The following OR2M2 variants were observed in gnomAD, a reference collection of about 807,000 sequenced individuals.
The protein encoded by OR2M2 is olfactory receptor family 2 subfamily M member 2, also known as olfactory receptor 2M2.
For missense variants in OR2M2, 467 were observed against 429.9 expected (o/e 1.09, Z -0.76); for synonymous variants, 168 against 151.7 (o/e 1.11, Z -0.79).
intron 1 of OR2M2, among the ~76,000 whole-genome samples, chr1:248,179,082 A>T (rs186490573): frequency 3.3e-5 from 5 of 152,112 alleles, no homozygotes; most frequent in East Asian, 1.9e-4. Flanking sequence ...AAGAGGACGA[A>T]TCTGTCCCAT....
chr1:248,175,778 T>G (rs1281270120), intron 1 of OR2M2, among the ~76,000 whole-genome samples: 2 of 152,190 alleles, frequency 1.3e-5, no homozygotes, highest in Non-Finnish European at 2.9e-5. Context: ...TCTCTGATCA[T>G]GTGACCTTTC....
Position 248,180,381 on chromosome 1 carries a change from TAC to T in OR2M2, c.397_398del (p.Thr133GlnfsTer6). 1 of 1,614,134 alleles carries T rather than the reference TAC, an allele frequency of 6.2e-7. No homozygotes were observed. On this transcript the variant is annotated frameshift_variant, in exon 2 of 2. Coordinates refer to ENST00000641836, the MANE Select transcript of OR2M2 (RefSeq NM_001004688.2). LOFTEE classifies it low-confidence loss of function (END_TRUNC). ...TTGCTATTTGCCACCCTCTAAGATATACCAATCTCATGAATCCTAAAATTTGT... is the reference window on the plus strand; with the variant it reads ...TTGCTATTTGCCACCCTCTAAGATATCAATCTCATGAATCCTAAAATTTGT... ...YIAICHPLRYTNLMNPKICGL... is the reference protein window; with the variant it reads ...YIAICHPLRYXNLMNPKICGL...
In OR2M2 at chr1:248,180,553, A is replaced by G. The variant is rs747869628; in HGVS notation, c.568A>G (p.Asn190Asp). The G allele has an allele frequency of 4.5e-5, 72 of 1,613,748 alleles. No homozygotes were observed. The highest frequency in any genetic ancestry group is 5.8e-5 in the Non-Finnish European group (68 of 1,179,840). The change falls in exon 2 of 2, where the codon AAT (asparagine) becomes GAT (aspartate). Residue 190 changes from asparagine to aspartate, a missense_variant. Asn to Asp is a conservative substitution (Grantham distance 23). Transcript: ENST00000641836. ...CCCTTCCCTACTAATCCTCTCATGC[A>G]ATGACACATCAATATTTGAAGAGGT... Reference protein sequence around the residue: ...EFPSLLILSCNDTSIFEEVIF... With the variant: ...EFPSLLILSCDDTSIFEEVIF...
chr1:248,179,499 A>G (rs1331867200), intron 1 of OR2M2, among the ~76,000 whole-genome samples: 1 of 147,260 alleles, frequency 6.8e-6, no homozygotes. Context: ...TAAAGTAATA[A>G]GCAAACATAC....
chr1:248,180,992 A>G lies in OR2M2; in HGVS notation c.1007A>G (p.Asp336Gly). ...FFFLISIFFY[D>G]VKILALIMYI... ...TTTCTAATATCCATCTTTTTCTATGATGTCAAAATACTAGCATTGATTATG... is the reference window on the plus strand; with the variant it reads ...TTTCTAATATCCATCTTTTTCTATGGTGTCAAAATACTAGCATTGATTATG... Residue 336 changes from aspartate (D) to glycine (G), a missense_variant, in exon 2 of 2, where the codon GAT becomes GGT. Coordinates refer to ENST00000641836, the MANE Select transcript of OR2M2 (RefSeq NM_001004688.2). 1 of 1,612,372 alleles carries G rather than the reference A, an allele frequency of 6.2e-7. No individual in the cohort carries two copies. Among genetic ancestry groups the G allele is most frequent in the Non-Finnish European group, 8.5e-7 (1 of 1,178,632 alleles).
In OR2M2 at chr1:248,180,413, T is replaced by A. The variant is rs764032571; in HGVS notation, c.428T>A (p.Leu143His). 1.9e-6 allele frequency: 3 copies of A among 1,614,084 alleles called. No individual in the cohort carries two copies. In the South Asian group the frequency reaches 3.3e-5, roughly 18 times the overall value. ...CTCATGAATCCTAAAATTTGTGGAC[T>A]TATGGCTACCTTCTCCTGGATCCTG... ...TNLMNPKICGLMATFSWILGS... is the reference protein window; with the variant it reads ...TNLMNPKICGHMATFSWILGS... The change falls in exon 2 of 2, where the codon CTT (leucine) becomes CAT (histidine). Residue 143 changes from leucine to histidine, a missense_variant. By Grantham distance (99) the Leu-to-His change is moderately conservative (BLOSUM62 -3). Coordinates refer to ENST00000641836, the MANE Select transcript of OR2M2 (RefSeq NM_001004688.2).
chr1:248,179,909 G>A lies in OR2M2; in HGVS notation c.-18-59G>A, dbSNP rs530582397. On this transcript the variant is annotated intron_variant, in intron 1 of 1. Coordinates refer to ENST00000641836, the MANE Select transcript of OR2M2 (RefSeq NM_001004688.2). ...ACTACAGAATTTACCAAAATCACACGATTTATAAGACACTGGGTAAATGTT... is the reference window on the plus strand; with the variant it reads ...ACTACAGAATTTACCAAAATCACACAATTTATAAGACACTGGGTAAATGTT... 6.5e-5 allele frequency: 97 copies of A among 1,488,374 alleles called. 1 individual carries two copies. The highest frequency in any genetic ancestry group is 3.8e-4 in the South Asian group (29 of 75,374). The allele number at this position is 1,488,374 out of a possible 1,614,324, so 92.2% of individuals were successfully genotyped here.
intron 1 of OR2M2, among the ~76,000 whole-genome samples, chr1:248,178,289 A>T (rs913220853): frequency 4.6e-5 from 7 of 152,122 alleles, no homozygotes; most frequent in Admixed American, 6.6e-5. Context: ...TGAATAAATT[A>T]AAAAAGCACA....
rs1337541441 is a variant in OR2M2, at chr1:248,180,937, C to T, written c.952C>T (p.Leu318Phe). 6.2e-7 allele frequency: 1 copy of T among 1,614,004 alleles called. No individual in the cohort carries two copies. Reference protein sequence around the residue: ...GKSESELPHKLYVLLFAKFFF... With the variant: ...GKSESELPHKFYVLLFAKFFF... ...GTCTGAGAGTGAGTTACCTCATAAA[C>T]TTTATGTTTTGCTGTTTGCTAAATT... The change falls in exon 2 of 2, where the codon CTT (leucine) becomes TTT (phenylalanine). Residue 318 changes from leucine to phenylalanine, a missense_variant. Coordinates refer to ENST00000641836, the MANE Select transcript of OR2M2 (RefSeq NM_001004688.2).
chr1:248,176,381 T>C (rs993046445), intron 1 of OR2M2, among the ~76,000 whole-genome samples: 3 of 152,062 alleles, frequency 2.0e-5, no homozygotes, highest in African/African-American at 7.2e-5. Flanking sequence ...GTATGCACCA[T>C]CTTTTTACAA....
At chr1:248,178,408 TA>T (rs1665879299) in intron 1 of OR2M2, among the ~76,000 whole-genome samples, 1 of 152,232 alleles carries the variant, frequency 6.6e-6, no homozygotes, top group African/African-American at 2.4e-5. Context: ...CATACATTTA[TA>T]ATTATCTCAT....
chr1:248,177,219 T>C (rs183394951), intron 1 of OR2M2, among the ~76,000 whole-genome samples: 135 of 152,256 alleles, frequency 8.9e-4, no homozygotes, highest in African/African-American at 3.1e-3. Context: ...TATGTAGATT[T>C]ACATTTGTTA....
At position 248,179,949 on chromosome 1, in the gene OR2M2, G is replaced by C. The variant is rs746532195; in HGVS notation, c.-18-19G>C. 4 of 1,564,716 alleles carry C rather than the reference G, an allele frequency of 2.6e-6. No individual in the cohort carries two copies. In the South Asian group the frequency reaches 3.7e-5, roughly 14 times the overall value. ...GGGTAAATGTTTACCAAATTAATAA[G>C]ATGGTTTTGTGGTACTAGGTAAAAA... On this transcript the variant is annotated intron_variant, in intron 1 of 1. Transcript: ENST00000641836.
chr1:248,179,621 T>C (rs1017459077), intron 1 of OR2M2, among the ~76,000 whole-genome samples: 1 of 152,206 alleles, frequency 6.6e-6, no homozygotes, highest in Non-Finnish European at 1.5e-5. Context: ...AATTAGCCTA[T>C]CAATTTATCT....
Position 248,180,534 on chromosome 1 carries a change from C to T in OR2M2, c.549C>T (p.Ser183=). The T allele has an allele frequency of 6.2e-7, 1 of 1,613,868 alleles. No homozygotes were observed. Among genetic ancestry groups the T allele is most frequent in the Non-Finnish European group, 8.5e-7 (1 of 1,179,826 alleles). ...EIAHFFCEFP[S]LLILSCNDTS... The stretch of plus-strand genomic sequence containing the variant: ...CCCACTTCTTCTGTGAATTCCCTTC[C>T]CTACTAATCCTCTCATGCAATGACA... The change falls in exon 2 of 2, where the codon TCC becomes TCT. Residue 183 remains serine, a synonymous_variant. Coordinates refer to ENST00000641836, the MANE Select transcript of OR2M2 (RefSeq NM_001004688.2).
rs1665905389 is a variant in OR2M2, at chr1:248,179,962, T to C, written c.-18-6T>C. The C allele has an allele frequency of 1.3e-6, 2 of 1,589,130 alleles. No individual in the cohort carries two copies. Among genetic ancestry groups the C allele is most frequent in the Admixed American group, 1.7e-5 (1 of 57,824 alleles). On this transcript the variant is annotated splice_polypyrimidine_tract_variant and splice_region_variant and intron_variant, in intron 1 of 1. Transcript: ENST00000641836. ...CCAAATTAATAAGATGGTTTTGTGG[T>C]ACTAGGTAAAAAGCACATTCATCAT...
Position 248,180,434 on chromosome 1 carries a change from T to C in OR2M2, c.449T>C (p.Ile150Thr). 6.2e-7 allele frequency: 1 copy of C among 1,614,018 alleles called. No individual in the cohort carries two copies. ...GGACTTATGGCTACCTTCTCCTGGA[T>C]CCTGGGCTCTACAGATGGAATCATT... Reference protein sequence around the residue: ...ICGLMATFSWILGSTDGIIDA... With the variant: ...ICGLMATFSWTLGSTDGIIDA... The change falls in exon 2 of 2, where the codon ATC becomes ACC. Residue 150 changes from isoleucine (I) to threonine (T), a missense_variant. Physicochemically the swap from Ile to Thr is moderately conservative, Grantham distance 89. Transcript: ENST00000641836.
rs746047467 is a variant in OR2M2 at position 248,180,544 on chromosome 1, C to A, written c.559C>A (p.Leu187Ile). The change falls in exon 2 of 2, where the codon CTC becomes ATC. Residue 187 changes from leucine to isoleucine, a missense_variant. Coordinates refer to ENST00000641836, the MANE Select transcript of OR2M2 (RefSeq NM_001004688.2). Reference protein sequence around the residue: ...FFCEFPSLLILSCNDTSIFEE... With the variant: ...FFCEFPSLLIISCNDTSIFEE... ...CTGTGAATTCCCTTCCCTACTAATC[C>A]TCTCATGCAATGACACATCAATATT... 21 of 1,613,796 alleles carry A rather than the reference C, an allele frequency of 1.3e-5. No individual in the cohort carries two copies. In the South Asian group the frequency reaches 2.3e-4, roughly 18 times the overall value.
chr1:248,177,098 A>G (rs1665864327), intron 1 of OR2M2, among the ~76,000 whole-genome samples: 2 of 152,054 alleles, frequency 1.3e-5, no homozygotes, highest in South Asian at 4.1e-4. Context: ...TAGTAACTGG[A>G]TATGAAGGGA....
Sources: allele counts gnomAD v4.1 joint callset (sites outside exome capture counted in the v4.1 genomes callset), GRCh38; gene constraint gnomAD v4.1.1; transcripts MANE v1.5; gene names NCBI Gene and HGNC (gene_info 2026-07-23, HGNC 2026-07-21).